The following MRM1 variants were observed in gnomAD, a reference collection of about 807,000 sequenced individuals.
The protein encoded by MRM1 is rRNA methyltransferase 1, mitochondrial.
MRM1 carries 24 observed loss-of-function variants against 25.0 expected under a neutral mutation model. That is an observed-to-expected ratio of 0.96 (90% CI 0.69 to 1.35). The LOEUF is 1.35. Among genes scored for constraint, MRM1 ranks in the 40% most tolerant of loss-of-function variants. MRM1 has a pLI of 0.00. For synonymous variants in MRM1, 188 were observed against 199.2 expected (o/e 0.94, Z 0.47); for missense variants, 431 against 464.1 (o/e 0.93, Z 0.65).
chr17:36,603,502 A>G (rs2074901169), intron 2 of MRM1, among the ~76,000 whole-genome samples: 2 of 152,170 alleles, frequency 1.3e-5, no homozygotes, highest in East Asian at 3.9e-4. Context: ...CCTGGGTTCA[A>G]GTGATTCTCC....
chr17:36,603,627 G>C (rs947447000), intron 2 of MRM1, among the ~76,000 whole-genome samples: 35 of 151,958 alleles, frequency 2.3e-4, no homozygotes, highest in African/African-American at 8.4e-4. Flanking sequence ...TTGAACTCGT[G>C]ACCTTAAGCG....
At chr17:36,618,727 T>C in the MRM1 span, among the ~76,000 whole-genome samples, 1 of 152,318 alleles carries the variant, frequency 6.6e-6, no homozygotes, top group African/African-American at 2.4e-5. Flanking sequence ...TTCCAGAACA[T>C]GGTTCCAGAG....
the MRM1 span, among the ~76,000 whole-genome samples, chr17:36,624,811 G>A: frequency 3.3e-5 from 5 of 152,148 alleles, no homozygotes; most frequent in African/African-American, 9.7e-5. This position sits in a 1 kb window ranked among gnomAD's most constrained non-coding sequence, Gnocchi z 4.0. Flanking sequence ...TCACAGTGAG[G>A]AGCGCAGGAA....
intron 2 of MRM1, chr17:36,603,340 A>G (rs1327787341): frequency 2.9e-6 from 1 of 344,472 alleles, no homozygotes. Context: ...GACATTTTAA[A>G]TAAATTGTGT....
chr17:36,626,508 G>A, the MRM1 span, among the ~76,000 whole-genome samples: 2 of 152,050 alleles, frequency 1.3e-5, no homozygotes, highest in Admixed American at 6.5e-5. Context: ...GATTACAGGC[G>A]CCCACTACCA....
In MRM1 at chr17:36,602,478, T is replaced by C; in HGVS notation, c.543-75T>C. On this transcript the variant is annotated intron_variant, in intron 1 of 4. Coordinates refer to ENST00000614766, the MANE Select transcript of MRM1 (RefSeq NM_024864.5). This position sits in a 1 kb window ranked among gnomAD's most constrained non-coding sequence, Gnocchi z 4.1. ...CCCAGAACTCTCATCCCCCTAGCCC[T>C]TGGGAGCCCTGGGAGGGTAGGGAGC... 2 of 1,606,176 alleles carry C rather than the reference T, an allele frequency of 1.2e-6. No homozygotes were observed. The highest frequency in any genetic ancestry group is 8.5e-7 in the Non-Finnish European group (1 of 1,174,130).
the MRM1 span, among the ~76,000 whole-genome samples, chr17:36,628,994 G>A: frequency 2.0e-5 from 3 of 152,064 alleles, no homozygotes; most frequent in Non-Finnish European, 2.9e-5. Flanking sequence ...ATTGAGCAAG[G>A]CATGGAGTGC....
In MRM1 at chr17:36,601,875, A is replaced by G; in HGVS notation, c.65A>G (p.His22Arg). The G allele has an allele frequency of 1.2e-6, 2 of 1,607,910 alleles. No homozygotes were observed. The highest frequency in any genetic ancestry group is 1.7e-5 in the Admixed American group (1 of 59,870). Residue 22 changes from histidine to arginine, a missense_variant, in exon 1 of 5, where the codon CAT becomes CGT. His to Arg is a conservative substitution (Grantham distance 29). Coordinates refer to ENST00000614766, the MANE Select transcript of MRM1 (RefSeq NM_024864.5). ...WGRLVTRHFS[H>R]AARHGERPGG... is the part of the protein sequence containing the mutation. ...CGCCTCGTCACCCGTCATTTCTCCCATGCAGCGCGGCATGGGGAGCGGCCT... is the reference window on the plus strand; with the variant it reads ...CGCCTCGTCACCCGTCATTTCTCCCGTGCAGCGCGGCATGGGGAGCGGCCT...
Position 36,602,525 on chromosome 17 carries a change from T to C in MRM1, c.543-28T>C, listed in dbSNP as rs1334360943. On this transcript the variant is annotated intron_variant, in intron 1 of 4. Coordinates refer to ENST00000614766, the MANE Select transcript of MRM1 (RefSeq NM_024864.5). The surrounding 1 kb of genome is among the most constrained non-coding windows in gnomAD (Gnocchi z 4.1). The stretch of plus-strand genomic sequence containing the variant: ...GAGCCGGGCTTGAGATGGCCCAGCC[T>C]AATGCGGGGAACGGGGAAACCTTGC... 6.2e-7 allele frequency: 1 copy of C among 1,614,070 alleles called. No individual in the cohort carries two copies. Among genetic ancestry groups the C allele is most frequent in the Non-Finnish European group, 8.5e-7 (1 of 1,179,970 alleles).
chr17:36,624,175 T>C, the MRM1 span, among the ~76,000 whole-genome samples: 1 of 152,184 alleles, frequency 6.6e-6, no homozygotes, highest in South Asian at 2.1e-4. This position sits in a 1 kb window ranked among gnomAD's most constrained non-coding sequence, Gnocchi z 4.0. Flanking sequence ...CTGTGTCCAG[T>C]CTCTCCCCTG....
chr17:36,627,403 A>G, the MRM1 span, among the ~76,000 whole-genome samples: 17 of 152,206 alleles, frequency 1.1e-4, no homozygotes, highest in African/African-American at 3.6e-4. Context: ...AATTGTGTTA[A>G]TAAAGAGGCT....
the MRM1 span, among the ~76,000 whole-genome samples, chr17:36,623,054 G>T: frequency 6.6e-6 from 1 of 152,192 alleles, no homozygotes; most frequent in South Asian, 2.1e-4. Flanking sequence ...GGGGCACGGG[G>T]TATGTTCCCA....
chr17:36,609,950 G>A (rs1030956111), downstream of MRM1, among the ~76,000 whole-genome samples: 7 of 152,128 alleles, frequency 4.6e-5, no homozygotes, highest in South Asian at 2.1e-4. Flanking sequence ...TTTTGAGACA[G>A]GGTCTCACTC....
chr17:36,626,019 T>C, the MRM1 span, among the ~76,000 whole-genome samples: 1 of 146,926 alleles, frequency 6.8e-6, no homozygotes, highest in Non-Finnish European at 1.5e-5. Flanking sequence ...GAATTCCCTC[T>C]GGTTGCACAG....
At chr17:36,634,590 T>C in the MRM1 span, 1 of 152,252 alleles carries the variant, frequency 6.6e-6, no homozygotes, top group Non-Finnish European at 1.5e-5. Flanking sequence ...CCACATGGCA[T>C]TCCATCATGT....
the MRM1 span, among the ~76,000 whole-genome samples, chr17:36,616,313 A>G: frequency 6.6e-6 from 1 of 152,060 alleles, no homozygotes; most frequent in Non-Finnish European, 1.5e-5. Context: ...TTGACCTTCC[A>G]CTTTCAAGCA....
chr17:36,618,350 T>G, the MRM1 span, among the ~76,000 whole-genome samples: 1 of 151,862 alleles, frequency 6.6e-6, no homozygotes, highest in Non-Finnish European at 1.5e-5. Flanking sequence ...CGACAACCAA[T>G]AAGTAAAATT....
chr17:36,627,650 C>T, the MRM1 span, among the ~76,000 whole-genome samples: 1 of 148,798 alleles, frequency 6.7e-6, no homozygotes, highest in Non-Finnish European at 1.5e-5. Flanking sequence ...GATTATACTA[C>T]TCATCCTGTC....
At chr17:36,621,734 G>A in the MRM1 span, among the ~76,000 whole-genome samples, 1 of 152,310 alleles carries the variant, frequency 6.6e-6, no homozygotes, top group South Asian at 2.1e-4. Flanking sequence ...GGAAACAGGG[G>A]TGTCAGGGTT....
Sources: allele counts gnomAD v4.1 joint callset (sites outside exome capture counted in the v4.1 genomes callset), GRCh38; gene constraint gnomAD v4.1.1; non-coding constraint Gnocchi (gnomAD v3.1); transcripts MANE v1.5; gene names NCBI Gene and HGNC (gene_info 2026-07-23, HGNC 2026-07-21).